The following SMC5 variants were observed in gnomAD, a reference collection of about 807,000 sequenced individuals.
SMC5 encodes structural maintenance of chromosomes 5, also known as structural maintenance of chromosomes protein 5.
In SMC5, 88 loss-of-function variants were observed where a neutral mutation model predicts 148.3. The ratio of observed to expected loss-of-function variants is 0.59; its 90% CI spans 0.50 to 0.71. The LOEUF is 0.71. Ranked by LOEUF, SMC5 falls within the 30% of genes least tolerant of loss-of-function variation. The pLI is 0.00. For synonymous variants in SMC5, 421 were observed against 432.8 expected (o/e 0.97, Z 0.34); for missense variants, 1,142 against 1,298.9 (o/e 0.88, Z 1.86).
intron 7 of SMC5, among the ~76,000 whole-genome samples, chr9:70,283,758 G>A (rs780084459): frequency 1.3e-5 from 2 of 152,130 alleles, no homozygotes; most frequent in Non-Finnish European, 2.9e-5. Context: ...GCTATTGAAA[G>A]ATCATTTAGG....
At chr9:70,344,067 A>T in intron 17 of SMC5, 77 bp from the exon 18 acceptor site, 2 of 799,024 alleles carry the variant, frequency 2.5e-6, no homozygotes, top group South Asian at 3.6e-5. Context: ...AACAATATTT[A>T]ATATGTGGTA....
rs59694037 is a variant in SMC5 at position 70,309,318 on chromosome 9, C to CTTTTTTTTTTTTTTTTTTTTTTTTTTTT, written c.1578+3962_1578+3989dup. 6.3e-5 allele frequency among the ~76,000 whole-genome samples: 5 copies of CTTTTTTTTTTTTTTTTTTTTTTTTTTTT among 79,178 alleles called. 1 individual carries two copies. Among genetic ancestry groups the CTTTTTTTTTTTTTTTTTTTTTTTTTTTT allele is most frequent in the Non-Finnish European group, 9.3e-5 (4 of 42,810 alleles). 51.9% of individuals were successfully genotyped at this position (79,178 alleles called of 152,430 possible). On this transcript the variant is annotated intron_variant, in intron 11 of 24. Transcript: ENST00000361138. The stretch of plus-strand genomic sequence containing the variant: ...ATAGCAGAATTTCTTTTTCCTTTTC[C>CTTTTTTTTTTTTTTTTTTTTTTTTTTTT]TTTTTTTTTTTTTTTTTTTTTTTTT...
intron 11 of SMC5, among the ~76,000 whole-genome samples, chr9:70,305,763 G>C (rs1410771164): frequency 6.6e-6 from 1 of 152,016 alleles, no homozygotes; most frequent in African/African-American, 2.4e-5. Context: ...TAAATAAAAC[G>C]TCTTTAAAAA....
At chr9:70,272,255 A>T (rs1191963058) in intron 3 of SMC5, among the ~76,000 whole-genome samples, 1 of 152,224 alleles carries the variant, frequency 6.6e-6, no homozygotes, top group Non-Finnish European at 1.5e-5. Flanking sequence ...TTTTGGGAGC[A>T]GATCATACAT....
At chr9:70,326,171 G>A (rs1047565677) in intron 17 of SMC5, among the ~76,000 whole-genome samples, 7 of 152,146 alleles carry the variant, frequency 4.6e-5, no homozygotes, top group African/African-American at 1.7e-4. Context: ...TGTGCAGAAT[G>A]TGAGAGGTAC....
intron 4 of SMC5, 117 bp downstream of exon 4, chr9:70,277,589 T>C: frequency 1.3e-6 from 1 of 753,678 alleles, no homozygotes; most frequent in South Asian, 3.9e-5. Context: ...CTCTTACAGT[T>C]CTTTGTAAAG....
At chr9:70,259,807 C>T (rs1341389362) in intron 1 of SMC5, among the ~76,000 whole-genome samples, 1 of 152,176 alleles carries the variant, frequency 6.6e-6, no homozygotes, top group Non-Finnish European at 1.5e-5. Flanking sequence ...CCACTAAACC[C>T]AGTTTTCTTC....
chr9:70,351,433 GTAGA>G (rs1432756613), intron 24 of SMC5, among the ~76,000 whole-genome samples: 2 of 151,126 alleles, frequency 1.3e-5, no homozygotes, highest in East Asian at 1.9e-4. Flanking sequence ...CTTTTTTTCA[GTAGA>G]TAGTCTTGTG....
chr9:70,324,401 G>GAT (rs2036024717), intron 17 of SMC5, among the ~76,000 whole-genome samples: 1 of 152,154 alleles, frequency 6.6e-6, no homozygotes, highest in South Asian at 2.1e-4. Context: ...GAGAGCATGT[G>GAT]ATATACCATA....
At chr9:70,289,875 A>ATATTATTATTAT (rs61565465) in intron 8 of SMC5, among the ~76,000 whole-genome samples, 3 of 149,562 alleles carry the variant, frequency 2.0e-5, no homozygotes, top group South Asian at 2.1e-4. Flanking sequence ...GTTATTTAAA[A>ATATTATTATTAT]TATTATTATT....
Position 70,318,648 on chromosome 9 carries a change from G to C in SMC5, c.1941G>C (p.Val647=). The C allele has an allele frequency of 6.2e-7, 1 of 1,611,368 alleles. No homozygotes were observed. The change falls in exon 14 of 25, where the codon GTG becomes GTC. Residue 647 remains valine (V), a synonymous_variant. Coordinates refer to ENST00000361138, the MANE Select transcript of SMC5 (RefSeq NM_015110.4). ...LKVAQFLTVT[V]DLEQRRHLEE... The stretch of plus-strand genomic sequence containing the variant: ...TAGCGCAGTTTCTCACTGTCACTGT[G>C]GACCTAGAGCAGAGAAGACACTTAG...
At chr9:70,332,918 CGAAG>C (rs1468239227) in intron 17 of SMC5, among the ~76,000 whole-genome samples, 4 of 151,982 alleles carry the variant, frequency 2.6e-5, no homozygotes, top group Non-Finnish European at 5.9e-5. Context: ...AACTGGGAAT[CGAAG>C]GAGACTTCAT....
chr9:70,297,599 C>A (rs2035236165), intron 8 of SMC5, among the ~76,000 whole-genome samples: 2 of 152,142 alleles, frequency 1.3e-5, no homozygotes, highest in Non-Finnish European at 2.9e-5. Flanking sequence ...TTTATGGAAA[C>A]TGTATCACAT....
chr9:70,264,027 G>A (rs568341258), intron 1 of SMC5, among the ~76,000 whole-genome samples: 1 of 152,098 alleles, frequency 6.6e-6, no homozygotes, highest in South Asian at 2.1e-4. Context: ...CCAGTGTTTT[G>A]TAATTATTAA....
intron 9 of SMC5, among the ~76,000 whole-genome samples, chr9:70,299,186 TAG>T (rs952698726): frequency 6.6e-6 from 1 of 152,046 alleles, no homozygotes; most frequent in African/African-American, 2.4e-5. Flanking sequence ...CGAAAACATT[TAG>T]TGTTTTATGT....
At chr9:70,334,313 A>G (rs1305363679) in intron 17 of SMC5, among the ~76,000 whole-genome samples, 5 of 152,232 alleles carry the variant, frequency 3.3e-5, no homozygotes, top group Non-Finnish European at 7.3e-5. Flanking sequence ...AACTTCTTGA[A>G]GAAAATGTAA....
intron 8 of SMC5, among the ~76,000 whole-genome samples, chr9:70,294,024 G>T (rs940830694): frequency 3.9e-5 from 6 of 152,106 alleles, no homozygotes; most frequent in Non-Finnish European, 8.8e-5. Flanking sequence ...TAGCCTTGGA[G>T]GGGTTAGATT....
intron 24 of SMC5, 75 bp from the exon 25 acceptor site, chr9:70,352,116 C>A: frequency 8.0e-7 from 1 of 1,257,736 alleles, no homozygotes; most frequent in Non-Finnish European, 1.1e-6. Context: ...ATACATTTGA[C>A]TGTACACATG....
At chr9:70,342,952 G>A (rs1044115477) in intron 17 of SMC5, among the ~76,000 whole-genome samples, 14 of 152,160 alleles carry the variant, frequency 9.2e-5, no homozygotes, top group African/African-American at 3.4e-4. Context: ...TGTCATTTAA[G>A]GCTGTTAAGT....
Sources: allele counts gnomAD v4.1 joint callset (sites outside exome capture counted in the v4.1 genomes callset), GRCh38; gene constraint gnomAD v4.1.1; transcripts MANE v1.5; gene names NCBI Gene and HGNC (gene_info 2026-07-23, HGNC 2026-07-21).